The following ODAD1 variants were observed in gnomAD, a reference collection of about 807,000 sequenced individuals.
The protein encoded by ODAD1 is outer dynein arm-docking complex subunit 1.
In ODAD1, 49 loss-of-function variants were observed where a neutral mutation model predicts 67.2. The ratio of observed to expected loss-of-function variants is 0.73; its 90% CI spans 0.58 to 0.92. ODAD1 has a LOEUF of 0.92. Among genes scored for constraint, ODAD1 ranks in the 40% least tolerant of loss-of-function variants. ODAD1 has a pLI of 0.00. For missense variants in ODAD1, 897 were observed against 953.7 expected (o/e 0.94, Z 0.78); for synonymous variants, 345 against 393.7 (o/e 0.88, Z 1.46).
chr19:48,316,042 A>ATGTCTGAATCATAT (rs1199352226), intron 5 of ODAD1, among the ~76,000 whole-genome samples: 1 of 152,134 alleles, frequency 6.6e-6, no homozygotes, highest in Non-Finnish European at 1.5e-5. Context: ...TAGGAGTGGA[A>ATGTCTGAATCATAT]TGTCTGAATC....
intron 1 of ODAD1, 176 bp downstream of exon 1, chr19:48,321,502 G>T (rs990256040): frequency 6.0e-5 from 16 of 268,200 alleles, no homozygotes; most frequent in East Asian, 1.8e-4. Context: ...CGCAGACAGC[G>T]AGCGGAGGGG....
chr19:48,313,517 A>T (rs539645552), intron 5 of ODAD1, among the ~76,000 whole-genome samples: 1 of 151,874 alleles, frequency 6.6e-6, no homozygotes, highest in Admixed American at 6.6e-5. Context: ...TTGGAGACAG[A>T]GTCTTCATAG....
chr19:48,304,178 G>A, intron 8 of ODAD1, 38 bp from the exon 9 acceptor site: 3 of 1,566,906 alleles, frequency 1.9e-6, no homozygotes, highest in Non-Finnish European at 2.6e-6. Context: ...ACTGGAGGCT[G>A]GACTGGGGTC....
intron 1 of ODAD1, among the ~76,000 whole-genome samples, chr19:48,321,260 C>A (rs1468194947): frequency 1.3e-5 from 2 of 152,142 alleles, no homozygotes; most frequent in Non-Finnish European, 2.9e-5. Context: ...AACAAACAAA[C>A]AAAACTGATG....
intron 5 of ODAD1, among the ~76,000 whole-genome samples, chr19:48,317,106 C>T (rs1337925092): frequency 6.6e-6 from 1 of 152,142 alleles, no homozygotes; most frequent in Non-Finnish European, 1.5e-5. Context: ...AGTAGCTCTG[C>T]CCCCTCAGCC....
In ODAD1 at chr19:48,306,248, G is replaced by A. The variant is rs1425852051; in HGVS notation, c.665+8C>T. On this transcript the variant is annotated splice_region_variant and intron_variant, in intron 8 of 15. Transcript: ENST00000674294. ...GTCCCGCCATCCCAGGATACCCGCAGTCTCTACCTGACGGCGTAGGCAGAG... is the reference window on the plus strand; with the variant it reads ...GTCCCGCCATCCCAGGATACCCGCAATCTCTACCTGACGGCGTAGGCAGAG... The A allele has an allele frequency of 6.4e-7, 1 of 1,551,616 alleles. No individual in the cohort carries two copies. Among genetic ancestry groups the A allele is most frequent in the South Asian group, 1.2e-5 (1 of 84,058 alleles).
intron 10 of ODAD1, 125 bp from the exon 11 acceptor site, chr19:48,303,220 C>G (rs1034474748): frequency 4.0e-6 from 3 of 756,748 alleles, no homozygotes; most frequent in African/African-American, 1.7e-5. Flanking sequence ...CACACAGAAA[C>G]CAAGGCAGAG....
intron 8 of ODAD1, 131 bp downstream of exon 8, chr19:48,306,125 G>T: frequency 7.4e-7 from 1 of 1,349,516 alleles, no homozygotes; most frequent in Non-Finnish European, 9.9e-7. Context: ...GAGAGAAAAA[G>T]GGGATATTAT....
Position 48,303,982 on chromosome 19 carries a change from G to A in ODAD1, c.824C>T (p.Pro275Leu). 1 of 1,614,186 alleles carries A rather than the reference G, an allele frequency of 6.2e-7. No homozygotes were observed. Among genetic ancestry groups the A allele is most frequent in the Non-Finnish European group, 8.5e-7 (1 of 1,180,006 alleles). The change falls in exon 9 of 16, where the codon CCC (proline) becomes CTC (leucine). Residue 275 changes from proline (P) to leucine (L), a missense_variant. Pro to Leu is a moderately conservative substitution (Grantham distance 98). Coordinates refer to ENST00000674294, the MANE Select transcript of ODAD1 (RefSeq NM_001364171.2). The part of the protein sequence containing the change: ...KLKNNDRQPD[P>L]DVLEKREKQA... ...CTTTTCACGCTTCTCCAGGACATCG[G>A]GATCCGGCTGCCGGTCGTTGTTCTT...
intron 12 of ODAD1, among the ~76,000 whole-genome samples, chr19:48,300,203 G>A (rs924212075): frequency 6.6e-6 from 1 of 151,992 alleles, no homozygotes; most frequent in Non-Finnish European, 1.5e-5. Context: ...CAACTCAGGA[G>A]GCTGAGGCAG....
intron 7 of ODAD1, among the ~76,000 whole-genome samples, chr19:48,310,568 A>G (rs1968730390): frequency 6.6e-6 from 1 of 152,180 alleles, no homozygotes. Context: ...TGCTCTCTCA[A>G]GTACTTAGGA....
chr19:48,308,340 A>AATTTTTTGT (rs908472323), intron 7 of ODAD1, among the ~76,000 whole-genome samples: 11 of 151,634 alleles, frequency 7.3e-5, no homozygotes, highest in Non-Finnish European at 1.5e-4. Flanking sequence ...ACACCTGGCT[A>AATTTTTTGT]ATTTTTTGTA....
chr19:48,299,750 G>A (rs533641136), intron 12 of ODAD1, among the ~76,000 whole-genome samples: 2 of 152,130 alleles, frequency 1.3e-5, no homozygotes, highest in East Asian at 1.9e-4. Flanking sequence ...GCAGTGAGCC[G>A]AGATCGTGCC....
chr19:48,313,448 C>CAAAAAAAAAAAAAAAAAAAA (rs1291428185), intron 5 of ODAD1, among the ~76,000 whole-genome samples: 1 of 86,942 alleles, frequency 1.2e-5, no homozygotes, highest in Non-Finnish European at 2.4e-5. Flanking sequence ...AAAAAAAAAC[C>CAAAAAAAAAAAAAAAAAAAA]AAAAAAAAAC....
chr19:48,320,128 C>A, intron 3 of ODAD1, 171 bp downstream of exon 3: 1 of 974,338 alleles, frequency 1.0e-6, no homozygotes, highest in Non-Finnish European at 1.3e-6. Flanking sequence ...ACTGCCCAGG[C>A]TTGGCCCACC....
In ODAD1 at chr19:48,311,651, C is replaced by CACG. The variant is rs779459076; in HGVS notation, c.498_499insCGT (p.Phe166_Asp167insArg). The CACG allele has an allele frequency of 5.2e-4, 812 of 1,549,544 alleles. No individual in the cohort carries two copies. The highest frequency in any genetic ancestry group is 6.8e-4 in the Non-Finnish European group (776 of 1,145,126). On this transcript the variant is annotated inframe_insertion, in exon 7 of 16. Coordinates refer to ENST00000674294, the MANE Select transcript of ODAD1 (RefSeq NM_001364171.2). The stretch of plus-strand genomic sequence containing the variant: ...GCCGCATTCCGTACCAGCTGGTTGT[C>CACG]AAAGTGACAGGTGACCTGGGAGTAG...
chr19:48,298,346 T>C lies in ODAD1; in HGVS notation c.1241-6A>G. The C allele has an allele frequency of 6.2e-7, 1 of 1,613,756 alleles. No homozygotes were observed. The highest frequency in any genetic ancestry group is 8.5e-7 in the Non-Finnish European group (1 of 1,179,826). On this transcript the variant is annotated splice_region_variant and splice_polypyrimidine_tract_variant and intron_variant, in intron 12 of 15. Coordinates refer to ENST00000674294, the MANE Select transcript of ODAD1 (RefSeq NM_001364171.2). ...GGTGAAGAGGAGCTGGATATCTGCG[T>C]CATGGAGGGCCGGTTGTCAGGGATC...
Position 48,311,580 on chromosome 19 carries a change from A to T in ODAD1, c.570T>A (p.Tyr190Ter). ...TCTTCAGCTTGCGGTCCACGTTCAG[A>T]TAGCGGTTCCTGTCGATCCGCAGCA... ...LDLLRIDRNR[Y>*]LNVDRKLKKE... Residue 190 changes from tyrosine to a stop codon, truncating the protein, a stop_gained, in exon 7 of 16, where the codon TAT becomes TAA. Coordinates refer to ENST00000674294, the MANE Select transcript of ODAD1 (RefSeq NM_001364171.2). LOFTEE classifies it high-confidence loss of function. The T allele has an allele frequency of 6.4e-7, 1 of 1,550,490 alleles. No homozygotes were observed. Among genetic ancestry groups the T allele is most frequent in the Non-Finnish European group, 8.7e-7 (1 of 1,146,032 alleles).
intron 10 of ODAD1, 71 bp downstream of exon 10, chr19:48,303,579 G>C: frequency 6.3e-7 from 1 of 1,586,972 alleles, no homozygotes; most frequent in Non-Finnish European, 8.6e-7. Flanking sequence ...CCAGAGCTGA[G>C]GCCAGCCTGC....
Sources: gnomAD v4.1 joint callset for allele counts (sites outside exome capture counted in the v4.1 genomes callset) on GRCh38, gnomAD v4.1.1 for gene constraint, MANE v1.5 for transcripts, NCBI Gene and HGNC (gene_info 2026-07-23, HGNC 2026-07-21) for gene names.